Variants in NTNG1 observed in about 807,000 individuals in gnomAD.
The protein encoded by NTNG1 is netrin-G1.
NTNG1 carries 16 observed loss-of-function variants against 54.0 expected under a neutral mutation model. The ratio of observed to expected loss-of-function variants is 0.30; its 90% CI spans 0.20 to 0.45. NTNG1 has a LOEUF of 0.45. Among genes scored for constraint, NTNG1 ranks in the 20% least tolerant of loss-of-function variants. The pLI is 1.00. For missense variants in NTNG1, 530 were observed against 678.7 expected (o/e 0.78, Z 2.43); for synonymous variants, 255 against 263.1 (o/e 0.97, Z 0.30).
At chr1:107,409,103 C>T (rs369651981) in intron 5 of NTNG1, 3 of 152,320 alleles carry the variant, frequency 2.0e-5, no homozygotes, top group Admixed American at 1.3e-4. Context: ...CTTGTTGAAA[C>T]AGCATCAGTG....
rs796921941 is a variant in NTNG1, at chr1:107,380,014, G to A, written c.888-15140G>A. 1.3e-4 allele frequency among the ~76,000 whole-genome samples: 20 copies of A among 152,200 alleles called. No individual in the cohort carries two copies. In the East Asian group the frequency reaches 3.5e-3, roughly 26 times the overall value. ...CTCCTGGGAAGTTAAATCACCTCTG[G>A]CCTGTTCAACTTGACTGGCCAAGCA... On this transcript the variant is annotated intron_variant, in intron 3 of 7. Coordinates refer to ENST00000370068, the MANE Select transcript of NTNG1 (RefSeq NM_001113226.3).
At chr1:107,439,874 T>A (rs1398964685) in intron 7 of NTNG1, among the ~76,000 whole-genome samples, 1 of 151,944 alleles carries the variant, frequency 6.6e-6, no homozygotes, top group Non-Finnish European at 1.5e-5. Flanking sequence ...TTGATAATTT[T>A]TTTTTTTCAT....
At chr1:107,370,504 A>AC (rs1478466474) in intron 3 of NTNG1, among the ~76,000 whole-genome samples, 1 of 149,696 alleles carries the variant, frequency 6.7e-6, no homozygotes, top group Non-Finnish European at 1.5e-5. Context: ...TTTATCCCTC[A>AC]CCCCCCTTTC....
chr1:107,225,434 T>G (rs1660609768), intron 2 of NTNG1, among the ~76,000 whole-genome samples: 1 of 152,184 alleles, frequency 6.6e-6, no homozygotes, highest in Admixed American at 6.6e-5. Flanking sequence ...TAAATAGGTC[T>G]GTGCAAGTTT....
chr1:107,327,779 A>T (rs1270483961), intron 3 of NTNG1, among the ~76,000 whole-genome samples: 1 of 152,188 alleles, frequency 6.6e-6, no homozygotes. Flanking sequence ...GTAAACATCT[A>T]TAGTATAGTG....
At chr1:107,329,651 TTTTAAAGCATTGAGCCTGGCC>T (rs1162389656) in intron 3 of NTNG1, among the ~76,000 whole-genome samples, 1 of 152,204 alleles carries the variant, frequency 6.6e-6, no homozygotes, top group African/African-American at 2.4e-5. Flanking sequence ...ACAAAAATGC[TTTTAAAGCATTGAGCCTGGCC>T]TTTATCTATT....
intron 2 of NTNG1, among the ~76,000 whole-genome samples, chr1:107,152,005 TATATAC>T (rs1319075763): frequency 2.0e-5 from 3 of 151,814 alleles, no homozygotes; most frequent in African/African-American, 7.3e-5. Context: ...CACACATATA[TATATAC>T]ACACACATAC....
At chr1:107,466,555 T>G (rs959040319) in intron 7 of NTNG1, among the ~76,000 whole-genome samples, 1 of 152,200 alleles carries the variant, frequency 6.6e-6, no homozygotes, top group Non-Finnish European at 1.5e-5. Context: ...AAGTGAAATG[T>G]GTTAGGACAA....
chr1:107,171,830 G>GATTT (rs1312400946), intron 2 of NTNG1, among the ~76,000 whole-genome samples: 4 of 152,136 alleles, frequency 2.6e-5, no homozygotes, highest in Non-Finnish European at 5.9e-5. Context: ...AGTTACCAGC[G>GATTT]ATTTCCTAGT....
At chr1:107,411,368 G>A (rs1232112825) in intron 5 of NTNG1, among the ~76,000 whole-genome samples, 1 of 152,164 alleles carries the variant, frequency 6.6e-6, no homozygotes, top group East Asian at 1.9e-4. Flanking sequence ...CTGTCAGCCT[G>A]TTGAGGAAGC....
intron 5 of NTNG1, among the ~76,000 whole-genome samples, chr1:107,421,877 T>C (rs942587824): frequency 2.0e-5 from 3 of 152,104 alleles, no homozygotes. Flanking sequence ...TGTCACGTTT[T>C]AGTTTTGTTT....
At chr1:107,215,692 G>T (rs1659905098) in intron 2 of NTNG1, among the ~76,000 whole-genome samples, 1 of 152,064 alleles carries the variant, frequency 6.6e-6, no homozygotes, top group South Asian at 2.1e-4. Context: ...GTGATATTTT[G>T]ATGAGAATTG....
At chr1:107,238,921 C>T (rs1024646624) in intron 2 of NTNG1, among the ~76,000 whole-genome samples, 3 of 151,518 alleles carry the variant, frequency 2.0e-5, no homozygotes, top group East Asian at 1.9e-4. Context: ...AAAATGAATA[C>T]GATGTGGCCC....
intron 7 of NTNG1, among the ~76,000 whole-genome samples, chr1:107,471,064 G>A (rs1677944839): frequency 6.6e-6 from 1 of 152,136 alleles, no homozygotes; most frequent in African/African-American, 2.4e-5. Flanking sequence ...CTTTAATGGT[G>A]TTTTAAGCAG....
chr1:107,170,262 A>G (rs1316135365), intron 2 of NTNG1, among the ~76,000 whole-genome samples: 1 of 152,188 alleles, frequency 6.6e-6, no homozygotes, highest in African/African-American at 2.4e-5. Flanking sequence ...ACTTAGACCT[A>G]AAGGAAGTAA....
At chr1:107,411,492 T>C (rs1478528736) in intron 5 of NTNG1, among the ~76,000 whole-genome samples, 4 of 152,162 alleles carry the variant, frequency 2.6e-5, no homozygotes. Flanking sequence ...TGTAGAAACC[T>C]GGATAGTCAA....
chr1:107,259,595 C>T (rs1046336833), intron 2 of NTNG1, among the ~76,000 whole-genome samples: 8 of 152,194 alleles, frequency 5.3e-5, no homozygotes, highest in African/African-American at 1.9e-4. Context: ...AAGCTCTTCT[C>T]TTTAATTTTC....
intron 6 of NTNG1, among the ~76,000 whole-genome samples, chr1:107,434,021 T>C (rs915863403): frequency 3.3e-5 from 5 of 152,224 alleles, no homozygotes; most frequent in African/African-American, 1.2e-4. Flanking sequence ...AAAGCACTAA[T>C]GAAAATGAAG....
At chr1:107,154,162 G>A (rs1456249043) in intron 2 of NTNG1, among the ~76,000 whole-genome samples, 2 of 152,124 alleles carry the variant, frequency 1.3e-5, no homozygotes, top group Non-Finnish European at 2.9e-5. Flanking sequence ...ACAGAGGGTA[G>A]AAGAATAGAG....
Sources: gnomAD v4.1 joint callset for allele counts (sites outside exome capture counted in the v4.1 genomes callset) on GRCh38, gnomAD v4.1.1 for gene constraint, MANE v1.5 for transcripts, NCBI Gene and HGNC (gene_info 2026-07-23, HGNC 2026-07-21) for gene names.